RCBTB2: variants seen among roughly 807,000 people sequenced by gnomAD.
RCBTB2 encodes the protein RCC1 and BTB domain-containing protein 2.
RCBTB2 carries 55 observed loss-of-function variants against 65.4 expected under a neutral mutation model. The observed-to-expected ratio is 0.84, with a 90% CI of 0.68 to 1.05. RCBTB2 has a LOEUF of 1.05. Among genes scored for constraint, RCBTB2 ranks in the 50% least tolerant of loss-of-function variants. The probability of loss-of-function intolerance (pLI) is 0.00; values close to 1 mark genes in which losing one functional copy is unlikely to be tolerated. For missense variants in RCBTB2, 599 were observed against 680.1 expected, an observed-to-expected ratio of 0.88 and a Z score of 1.33; for synonymous variants, 220 against 255.2, an observed-to-expected ratio of 0.86 and a Z score of 1.31.
intron 1 of RCBTB2, among the ~76,000 whole-genome samples, chr13:48,525,876 C>T (rs1342510428): frequency 6.6e-6 from 1 of 152,070 alleles, no homozygotes; most frequent in African/African-American, 2.4e-5. Context: ...CATTTTAAAA[C>T]ATGCAGAAGA....
intron 12 of RCBTB2, 105 bp from the exon 13 acceptor site, chr13:48,499,865 G>A: frequency 7.8e-7 from 1 of 1,286,236 alleles, no homozygotes; most frequent in Non-Finnish European, 1.1e-6. Context: ...GCACGTCCCT[G>A]CTGTGGCTCC....
chr13:48,490,487 C>G (rs1949651189), intron 14 of RCBTB2, among the ~76,000 whole-genome samples: 1 of 152,130 alleles, frequency 6.6e-6, no homozygotes, highest in Non-Finnish European at 1.5e-5. Flanking sequence ...CCGCACTAAC[C>G]TAGGTAAAGA....
chr13:48,490,097 T>G lies in RCBTB2; in HGVS notation c.*14A>C. On this transcript the variant is annotated 3_prime_UTR_variant, in exon 15 of 15. Transcript: ENST00000344532. ...GGGAAATGGAAAGGCTCAAAAACTT[T>G]CCTGCAGATGGGATCAATTTTTAAA... The G allele has an allele frequency of 6.2e-7, 1 of 1,613,758 alleles. No individual in the cohort carries two copies. Among genetic ancestry groups the G allele is most frequent in the Non-Finnish European group, 8.5e-7 (1 of 1,179,830 alleles).
At chr13:48,529,627 T>C (rs896490927) in intron 1 of RCBTB2, among the ~76,000 whole-genome samples, 4 of 152,346 alleles carry the variant, frequency 2.6e-5, no homozygotes, top group Admixed American at 2.0e-4. Context: ...CTGGAAACTT[T>C]CACGTTGTTA....
intron 13 of RCBTB2, among the ~76,000 whole-genome samples, chr13:48,497,275 C>T (rs915265928): frequency 1.3e-5 from 2 of 152,126 alleles, no homozygotes; most frequent in Non-Finnish European, 2.9e-5. Flanking sequence ...AGACACTTTC[C>T]TCACTTACTT....
intron 10 of RCBTB2, among the ~76,000 whole-genome samples, chr13:48,503,487 T>C (rs1332807666): frequency 6.6e-6 from 1 of 152,150 alleles, no homozygotes; most frequent in Non-Finnish European, 1.5e-5. Context: ...AGGATCACTA[T>C]GTGATATGCC....
chr13:48,503,042 A>G, intron 10 of RCBTB2, 128 bp from the exon 11 acceptor site: 1 of 988,536 alleles, frequency 1.0e-6, no homozygotes, highest in Non-Finnish European at 1.4e-6. Flanking sequence ...AAAGGAAAAA[A>G]CAAAACAAAA....
At chr13:48,507,438 C>T (rs976486270) in intron 10 of RCBTB2, among the ~76,000 whole-genome samples, 17 of 152,136 alleles carry the variant, frequency 1.1e-4, no homozygotes, top group African/African-American at 3.1e-4. Context: ...GGATGTCTGG[C>T]GTATTTCACA....
intron 10 of RCBTB2, among the ~76,000 whole-genome samples, chr13:48,507,552 C>T (rs868217007): frequency 1.3e-5 from 2 of 152,124 alleles, no homozygotes; most frequent in Non-Finnish European, 2.9e-5. Flanking sequence ...AACTGCTGAG[C>T]TTATTGGCTA....
intron 9 of RCBTB2, among the ~76,000 whole-genome samples, chr13:48,511,404 T>A (rs1950788396): frequency 6.6e-6 from 1 of 152,192 alleles, no homozygotes; most frequent in Admixed American, 6.5e-5. Context: ...ATTAAAGTTA[T>A]CCTCTTTTTA....
At chr13:48,534,509 C>T (rs1276323805), upstream of RCBTB2, among the ~76,000 whole-genome samples, 4 of 152,308 alleles carry the variant, frequency 2.6e-5, no homozygotes, top group East Asian at 1.9e-4. Flanking sequence ...GTCTTTTACG[C>T]ATTATGGACA....
chr13:48,508,302 G>A (rs1477708801), intron 10 of RCBTB2, among the ~76,000 whole-genome samples: 14 of 152,290 alleles, frequency 9.2e-5, no homozygotes, highest in African/African-American at 3.1e-4. Flanking sequence ...CTCGGAATAC[G>A]CCCGTGATTG....
upstream of RCBTB2, chr13:48,535,739 A>ATCTTCTTCTGTTGG: frequency 2.2e-6 from 1 of 456,718 alleles, no homozygotes; most frequent in Non-Finnish European, 4.4e-6. Flanking sequence ...TGAAGCATTC[A>ATCTTCTTCTGTTGG]TCTTCTTCTG....
At chr13:48,517,595 T>A (rs1225753159) in intron 4 of RCBTB2, among the ~76,000 whole-genome samples, 1 of 152,196 alleles carries the variant, frequency 6.6e-6, no homozygotes, top group Non-Finnish European at 1.5e-5. Context: ...ACGGAGCAGC[T>A]GTCCCAATGG....
At chr13:48,509,534 G>A (rs1035894373) in intron 10 of RCBTB2, among the ~76,000 whole-genome samples, 2 of 152,082 alleles carry the variant, frequency 1.3e-5, no homozygotes, top group East Asian at 3.9e-4. Flanking sequence ...AACAGCTGCA[G>A]GCATCTACCT....
At chr13:48,535,452 C>T (rs138464018), upstream of RCBTB2, among the ~76,000 whole-genome samples, 440 of 152,124 alleles carry the variant, frequency 2.9e-3, 4 homozygotes, top group African/African-American at 0.01. Flanking sequence ...GATGGGGTTT[C>T]GCCATGTTGG....
chr13:48,511,696 A>C, intron 9 of RCBTB2, 74 bp downstream of exon 9: 1 of 1,276,272 alleles, frequency 7.8e-7, no homozygotes, highest in South Asian at 1.4e-5. Flanking sequence ...CAACAAATCT[A>C]TGTTTTTAAT....
chr13:48,508,586 TAG>T (rs1337398907), intron 10 of RCBTB2, among the ~76,000 whole-genome samples: 1 of 152,092 alleles, frequency 6.6e-6, no homozygotes, highest in Non-Finnish European at 1.5e-5. Flanking sequence ...ATATTTTTAG[TAG>T]AGACAGGGTT....
chr13:48,490,272 G>A (rs200254911), intron 14 of RCBTB2, 21 bp from the exon 15 acceptor site: 1 of 1,598,450 alleles, frequency 6.3e-7, no homozygotes, highest in African/African-American at 1.3e-5. Context: ...CAACAAAGAT[G>A]GTTTAATAAA....
Sources: gnomAD v4.1 joint callset for allele counts (sites outside exome capture counted in the v4.1 genomes callset) on GRCh38, gnomAD v4.1.1 for gene constraint, MANE v1.5 for transcripts, NCBI Gene and HGNC (gene_info 2026-07-23, HGNC 2026-07-21) for gene names.